Variants in GALNT12 observed in about 807,000 individuals in gnomAD.
The protein encoded by GALNT12 is polypeptide N-acetylgalactosaminyltransferase 12.
In GALNT12, 45 loss-of-function variants were observed where a neutral mutation model predicts 55.5. The observed-to-expected ratio is 0.81, with a 90% CI of 0.64 to 1.04. The LOEUF (loss-of-function observed/expected upper bound fraction) is 1.04. GALNT12 is among the 50% of genes least tolerant of loss of function. GALNT12 has a pLI of 0.00. For missense variants in GALNT12, 709 were observed against 754.8 expected (o/e 0.94, Z 0.71); for synonymous variants, 304 against 312.2 (o/e 0.97, Z 0.28).
chr9:98,822,412 T>G (rs1322454040), intron 1 of GALNT12, among the ~76,000 whole-genome samples: 1 of 152,182 alleles, frequency 6.6e-6, no homozygotes, highest in Non-Finnish European at 1.5e-5. Flanking sequence ...GAACCTTCAG[T>G]TCAAAGTGAC....
chr9:98,826,505 G>A (rs1004856618), intron 2 of GALNT12, among the ~76,000 whole-genome samples: 1 of 152,022 alleles, frequency 6.6e-6, no homozygotes, highest in African/African-American at 2.4e-5. Context: ...ACAATTCAAC[G>A]TGCATGTGTT....
rs937292083 is a variant in GALNT12 at position 98,807,863 on chromosome 9, C to T, written c.165C>T (p.Thr55=). 12 of 1,011,380 alleles carry T rather than the reference C, an allele frequency of 1.2e-5. No homozygotes were observed. Among genetic ancestry groups the T allele is most frequent in the Admixed American group, 5.9e-5 (1 of 16,894 alleles). The allele number at this position is 1,011,380 out of a possible 1,614,324, so 62.7% of individuals were successfully genotyped here. A position where few individuals can be genotyped will look rare whatever the true frequency, so the allele number is the denominator to read the frequency against. Residue 55 remains threonine, a synonymous_variant, in exon 1 of 10, where the codon ACC becomes ACT. Transcript: ENST00000375011. ...AGAAEPGPPR[T]PRPGRREPVM... ...CTGCCGAGCCGGGACCCCCGCGCACCCCGCGCCCCGGGCGGCGCGAGCCGG... is the reference window on the plus strand; with the variant it reads ...CTGCCGAGCCGGGACCCCCGCGCACTCCGCGCCCCGGGCGGCGCGAGCCGG...
intron 1 of GALNT12, among the ~76,000 whole-genome samples, chr9:98,811,705 T>G (rs1313494720): frequency 1.5e-5 from 2 of 137,814 alleles, no homozygotes; most frequent in Admixed American, 1.6e-4. Context: ...TTTTTTGAGA[T>G]GGAGTCTTGC....
intron 2 of GALNT12, among the ~76,000 whole-genome samples, chr9:98,824,844 G>A (rs1039500658): frequency 1.3e-5 from 2 of 152,170 alleles, no homozygotes; most frequent in Non-Finnish European, 2.9e-5. Flanking sequence ...TGTAGCAGCC[G>A]GCACATAGTA....
intron 1 of GALNT12, among the ~76,000 whole-genome samples, chr9:98,815,459 C>T (rs898003161): frequency 2.0e-5 from 3 of 152,120 alleles, no homozygotes; most frequent in Non-Finnish European, 2.9e-5. Flanking sequence ...TTTCAACTTA[C>T]GATGAGTTTA....
At chr9:98,848,744 C>G in intron 9 of GALNT12, 1 of 623,374 alleles carries the variant, frequency 1.6e-6, no homozygotes, top group Non-Finnish European at 2.9e-6. Flanking sequence ...CACCATCGGT[C>G]CTGTGAGAGG....
At chr9:98,844,058 A>C in intron 7 of GALNT12, 38 bp from the exon 8 acceptor site, 1 of 1,425,294 alleles carries the variant, frequency 7.0e-7, no homozygotes, top group Non-Finnish European at 9.9e-7. Flanking sequence ...TAGTGTCTAT[A>C]AATCTGGACT....
intron 5 of GALNT12, 114 bp from the exon 6 acceptor site, chr9:98,836,858 A>T (rs892261736): frequency 1.8e-5 from 20 of 1,116,558 alleles, no homozygotes; most frequent in Non-Finnish European, 2.2e-5. Flanking sequence ...GAGGCTGAGC[A>T]TCTTGGCAGT....
At chr9:98,833,745 T>G (rs1836061983) in intron 4 of GALNT12, among the ~76,000 whole-genome samples, 1 of 152,042 alleles carries the variant, frequency 6.6e-6, no homozygotes, top group Non-Finnish European at 1.5e-5. Flanking sequence ...CCTCACTGAA[T>G]AGGTTTGGAA....
rs1177006590 is a variant in GALNT12 at position 98,823,297 on chromosome 9, C to T, written c.413C>T (p.Thr138Ile). The change falls in exon 2 of 10, where the codon ACA (threonine) becomes ATA (isoleucine). Residue 138 changes from threonine to isoleucine, a missense_variant. By Grantham distance (89) the Thr-to-Ile change is moderately conservative. Transcript: ENST00000375011. ...KKYDYDNLPR[T>I]SVIIAFYNEA... ...TATGATTATGATAATTTGCCCAGGA[C>T]ATCTGTTATCATAGCATTTTATAAT... The T allele has an allele frequency of 2.5e-6, 4 of 1,614,082 alleles. No individual in the cohort carries two copies. The highest frequency in any genetic ancestry group is 3.4e-6 in the Non-Finnish European group (4 of 1,179,902).
At chr9:98,831,677 G>T in intron 3 of GALNT12, 95 bp from the exon 4 acceptor site, 1 of 1,362,790 alleles carries the variant, frequency 7.3e-7, no homozygotes, top group Non-Finnish European at 1.0e-6. Context: ...CCCTCTTATT[G>T]GAAGGAAGAC....
intron 2 of GALNT12, among the ~76,000 whole-genome samples, chr9:98,825,929 C>G (rs1295708745): frequency 6.6e-6 from 1 of 151,734 alleles, no homozygotes; most frequent in Admixed American, 6.6e-5. Flanking sequence ...GAGCCATGAT[C>G]ATGCCACTGC....
intron 1 of GALNT12, among the ~76,000 whole-genome samples, chr9:98,817,869 G>C (rs1230126606): frequency 6.6e-6 from 1 of 152,198 alleles, no homozygotes. Flanking sequence ...TAGACTTGGT[G>C]TTTGGATGTG....
chr9:98,811,000 G>A (rs1835483784), intron 1 of GALNT12, among the ~76,000 whole-genome samples: 1 of 152,136 alleles, frequency 6.6e-6, no homozygotes, highest in African/African-American at 2.4e-5. Context: ...GGGTCAAAGT[G>A]GGGAGACAGA....
At chr9:98,841,457 C>T (rs1241205516) in intron 7 of GALNT12, among the ~76,000 whole-genome samples, 1 of 152,134 alleles carries the variant, frequency 6.6e-6, no homozygotes, top group Non-Finnish European at 1.5e-5. Flanking sequence ...CATTATAAGA[C>T]CCCCATCAGC....
intron 1 of GALNT12, among the ~76,000 whole-genome samples, chr9:98,819,751 T>C (rs1347541278): frequency 6.6e-6 from 1 of 151,618 alleles, no homozygotes; most frequent in African/African-American, 2.4e-5. Context: ...GGTGGGGAGA[T>C]GTGATACAGG....
rs1836501802 is a variant in GALNT12 at position 98,849,488 on chromosome 9, T to C, written c.*396T>C. ...ATTCCCAGGTACGAAGATATCTGCA[T>C]GGGTGGAAATCAGGTTCAAGCAACG... is the stretch of plus-strand genomic sequence containing the variant. On this transcript the variant is annotated 3_prime_UTR_variant, in exon 10 of 10. Coordinates refer to ENST00000375011, the MANE Select transcript of GALNT12 (RefSeq NM_024642.5). The C allele has an allele frequency of 5.7e-6, 3 of 523,738 alleles. No individual in the cohort carries two copies. In the African/African-American group the frequency reaches 5.8e-5, roughly 10 times the overall value. 32.4% of individuals were successfully genotyped at this position (523,738 alleles called of 1,614,324 possible). A position where few individuals can be genotyped will look rare whatever the true frequency, so the allele number is the denominator to read the frequency against.
At chr9:98,841,525 A>G (rs1466609412) in intron 7 of GALNT12, among the ~76,000 whole-genome samples, 7 of 152,314 alleles carry the variant, frequency 4.6e-5, no homozygotes, top group African/African-American at 1.7e-4. Flanking sequence ...ATTATTTCAA[A>G]TGGAGTTGCC....
chr9:98,808,105 A>G (rs1667173136), intron 1 of GALNT12, 36 bp downstream of exon 1: 2 of 1,512,242 alleles, frequency 1.3e-6, no homozygotes. Flanking sequence ...GCCCGCCCTC[A>G]GAGCCCCGGG....
Sources: gnomAD v4.1 joint callset for allele counts (sites outside exome capture counted in the v4.1 genomes callset) on GRCh38, gnomAD v4.1.1 for gene constraint, MANE v1.5 for transcripts, NCBI Gene and HGNC (gene_info 2026-07-23, HGNC 2026-07-21) for gene names.